Variants in NPTN observed in about 807,000 individuals in gnomAD.
NPTN encodes the protein neuroplastin.
NPTN carries 5 observed loss-of-function variants against 42.7 expected under a neutral mutation model. The observed-to-expected ratio is 0.12, with a 90% CI of 0.06 to 0.25. The LOEUF (loss-of-function observed/expected upper bound fraction) is 0.25, where lower values mean the gene tolerates loss of function less well. Ranked by LOEUF, NPTN falls within the 10% of genes least tolerant of loss-of-function variation. The probability of loss-of-function intolerance (pLI) is 1.00; values close to 1 mark genes in which losing one functional copy is unlikely to be tolerated. For synonymous variants in NPTN, 180 were observed against 201.9 expected, an observed-to-expected ratio of 0.89 and a Z score of 0.92; for missense variants, 307 against 525.4, an observed-to-expected ratio of 0.58 and a Z score of 4.06.
At chr15:73,620,890 T>C (rs1365030893) in intron 1 of NPTN, among the ~76,000 whole-genome samples, 2 of 152,328 alleles carry the variant, frequency 1.3e-5, no homozygotes, top group Non-Finnish European at 2.9e-5. Context: ...CTTCAATGTC[T>C]TTCTGTCCAG....
intron 3 of NPTN, 133 bp downstream of exon 3, chr15:73,591,833 T>C (rs1175115500): frequency 7.8e-6 from 6 of 764,342 alleles, no homozygotes; most frequent in Admixed American, 2.5e-5. Flanking sequence ...CCTGAGATAC[T>C]GGATTGGACT....
intron 4 of NPTN, among the ~76,000 whole-genome samples, chr15:73,575,249 T>C (rs1366183308): frequency 6.6e-6 from 1 of 152,090 alleles, no homozygotes; most frequent in Non-Finnish European, 1.5e-5. Context: ...TCCCAAAGTG[T>C]TGGGATTACA....
intron 2 of NPTN, among the ~76,000 whole-genome samples, chr15:73,592,516 C>T (rs577828059): frequency 3.3e-5 from 5 of 152,288 alleles, no homozygotes; most frequent in African/African-American, 1.2e-4. Flanking sequence ...AAGGCCATAT[C>T]ATTTATATAC....
At chr15:73,595,004 A>G (rs1199554622) in intron 2 of NPTN, among the ~76,000 whole-genome samples, 3 of 152,176 alleles carry the variant, frequency 2.0e-5, no homozygotes, top group Non-Finnish European at 4.4e-5. Flanking sequence ...TGGCTCTCCA[A>G]AACAGCTAAC....
At chr15:73,568,460 G>A in intron 6 of NPTN, 3 of 985,450 alleles carry the variant, frequency 3.0e-6, no homozygotes, top group Non-Finnish European at 3.6e-6. Context: ...TCAGGAATGA[G>A]GCATAACTGA....
At chr15:73,615,978 G>A (rs1392157885) in intron 1 of NPTN, among the ~76,000 whole-genome samples, 1 of 152,110 alleles carries the variant, frequency 6.6e-6, no homozygotes, top group Non-Finnish European at 1.5e-5. Flanking sequence ...TAAGTGACAG[G>A]TAGCTCTTTC....
chr15:73,563,444 C>T (rs1894807544), intron 6 of NPTN, 187 bp from the exon 7 acceptor site: 1 of 1,396,522 alleles, frequency 7.2e-7, no homozygotes, highest in Non-Finnish European at 9.3e-7. Flanking sequence ...TTTCTAGATT[C>T]AAGTTTAAAT....
intron 7 of NPTN, among the ~76,000 whole-genome samples, chr15:73,562,517 G>T (rs1370722170): frequency 6.6e-6 from 1 of 152,172 alleles, no homozygotes; most frequent in Non-Finnish European, 1.5e-5. Context: ...TTGATAAAAG[G>T]TAATCATAAG....
At chr15:73,609,633 AAAAC>A (rs201777466) in intron 1 of NPTN, among the ~76,000 whole-genome samples, 2 of 152,162 alleles carry the variant, frequency 1.3e-5, no homozygotes, top group Admixed American at 6.5e-5. Context: ...TCCGTCCCTG[AAAAC>A]AAACAAACAA....
At position 73,592,044 on chromosome 15, in the gene NPTN, G is replaced by T. The variant is rs932048671; in HGVS notation, c.533C>A (p.Thr178Asn). The T allele has an allele frequency of 8.7e-6, 14 of 1,613,984 alleles. No homozygotes were observed. The highest frequency in any genetic ancestry group is 1.3e-5 in the African/African-American group (1 of 74,908). The change falls in exon 3 of 9, where the codon ACC becomes AAC. Residue 178 changes from threonine (T) to asparagine (N), a missense_variant. Physicochemically the swap from Thr to Asn is moderately conservative, Grantham distance 65. Around this residue, in one of 2 missense-constraint regions of NPTN, gnomAD observed 264 missense variants for 491.1 expected, o/e 0.54. Coordinates refer to ENST00000345330, the MANE Select transcript of NPTN (RefSeq NM_012428.4). Reference sequence around the variant, plus strand: ...CTTTGTCCAGTAGCTGTATGTAAGGGTGTGAGAGCTGGAGGTGAGGTTACA... The same window carrying T: ...CTTTGTCCAGTAGCTGTATGTAAGGTTGTGAGAGCTGGAGGTGAGGTTACA... Reference protein sequence around the residue: ...LQCNLTSSSHTLTYSYWTKNG... With the variant: ...LQCNLTSSSHNLTYSYWTKNG...
rs1895330062 is a variant in NPTN at position 73,570,779 on chromosome 15, C to T, written c.841-356G>A. Among the ~76,000 whole-genome samples, 1 of 152,220 alleles carries T rather than the reference C, an allele frequency of 6.6e-6. No individual in the cohort carries two copies. The highest frequency in any genetic ancestry group is 2.4e-5 in the African/African-American group (1 of 41,464). Reference sequence around the variant, plus strand: ...GGCAGAAGGAGGGGTACAACCCCTACAGTCAGGCATGCCTCGGGGACCTCA... The same window carrying T: ...GGCAGAAGGAGGGGTACAACCCCTATAGTCAGGCATGCCTCGGGGACCTCA... On this transcript the variant is annotated intron_variant, in intron 5 of 8. Coordinates refer to ENST00000345330, the MANE Select transcript of NPTN (RefSeq NM_012428.4). This position sits in a 1 kb window ranked among gnomAD's most constrained non-coding sequence, Gnocchi z 4.0.
intron 1 of NPTN, among the ~76,000 whole-genome samples, chr15:73,601,909 T>G (rs1387823561): frequency 6.6e-6 from 1 of 152,120 alleles, no homozygotes; most frequent in African/African-American, 2.4e-5. Flanking sequence ...AAGAGAAGCG[T>G]AATGTAAAAT....
At chr15:73,611,989 A>C (rs1897606169) in intron 1 of NPTN, among the ~76,000 whole-genome samples, 2 of 152,222 alleles carry the variant, frequency 1.3e-5, no homozygotes, top group Non-Finnish European at 2.9e-5. Flanking sequence ...GTTTATTTGC[A>C]CTTGACACTG....
chr15:73,623,251 T>TTA (rs1898222371), intron 1 of NPTN, among the ~76,000 whole-genome samples: 1 of 152,170 alleles, frequency 6.6e-6, no homozygotes, highest in Non-Finnish European at 1.5e-5. Context: ...CTTCTGAAGG[T>TTA]TATAGTAAGC....
At chr15:73,632,785 G>T (rs997869198) in intron 1 of NPTN, 1 of 251,790 alleles carries the variant, frequency 4.0e-6, no homozygotes, top group African/African-American at 2.2e-5. Context: ...TAAGAGCTGC[G>T]CCCCCTCCTC....
At chr15:73,584,392 T>A (rs767045211) in intron 4 of NPTN, among the ~76,000 whole-genome samples, 23 of 151,910 alleles carry the variant, frequency 1.5e-4, no homozygotes, top group Non-Finnish European at 2.1e-4. Flanking sequence ...GAGCACTTTT[T>A]AAAAAAAAAT....
At chr15:73,567,419 C>G (rs1344571204) in intron 6 of NPTN, 6 of 985,388 alleles carry the variant, frequency 6.1e-6, no homozygotes, top group Non-Finnish European at 7.2e-6. Flanking sequence ...TTAACACTCC[C>G]AAGTTTGTGT....
At chr15:73,595,908 C>T (rs1029301434) in intron 2 of NPTN, among the ~76,000 whole-genome samples, 2 of 152,176 alleles carry the variant, frequency 1.3e-5, no homozygotes, top group African/African-American at 4.8e-5. Context: ...TCACGCATAC[C>T]TGCTACAAGG....
intron 1 of NPTN, among the ~76,000 whole-genome samples, chr15:73,601,741 G>A (rs978404469): frequency 2.0e-5 from 3 of 152,202 alleles, no homozygotes; most frequent in Non-Finnish European, 4.4e-5. Flanking sequence ...GCCCAGATCT[G>A]CAAGAGTTTT....
Sources: allele counts gnomAD v4.1 joint callset (sites outside exome capture counted in the v4.1 genomes callset), GRCh38; gene constraint gnomAD v4.1.1; regional missense constraint gnomAD v4.1.1; non-coding constraint Gnocchi (gnomAD v3.1); transcripts MANE v1.5; gene names NCBI Gene and HGNC (gene_info 2026-07-23, HGNC 2026-07-21).